Variants in WDR43 observed in about 807,000 individuals in gnomAD.
WDR43 encodes the protein WD repeat-containing protein 43.
WDR43 carries 13 observed loss-of-function variants against 91.4 expected under a neutral mutation model. That is an observed-to-expected ratio of 0.14 (90% CI 0.09 to 0.23). The LOEUF (loss-of-function observed/expected upper bound fraction) is 0.23, where lower values mean the gene tolerates loss of function less well. WDR43 is among the 10% of genes least tolerant of loss of function. The pLI, the probability that WDR43 is intolerant of heterozygous loss-of-function variation, is 1.00. For missense variants in WDR43, 780 were observed against 809.4 expected (o/e 0.96, Z 0.44); for synonymous variants, 331 against 287.9 (o/e 1.15, Z -1.51).
At chr2:28,944,830 C>T (rs13413135) in intron 16 of WDR43, among the ~76,000 whole-genome samples, 3,678 of 152,332 alleles carry the variant, frequency 0.024, 174 homozygotes, top group African/African-American at 0.085. Flanking sequence ...GACAGCGAAG[C>T]TGGACAAAGG....
At chr2:28,921,115 G>A (rs1424525038) in intron 6 of WDR43, among the ~76,000 whole-genome samples, 1 of 149,112 alleles carries the variant, frequency 6.7e-6, no homozygotes, top group Non-Finnish European at 1.5e-5. Context: ...GAAGGGAGCA[G>A]AACTTTTTAA....
chr2:28,930,526 A>T (rs2148194114), intron 11 of WDR43, among the ~76,000 whole-genome samples: 1 of 152,298 alleles, frequency 6.6e-6, no homozygotes, highest in East Asian at 1.9e-4. Flanking sequence ...GGGTACATTG[A>T]TCCTAAAATT....
At chr2:28,905,687 T>C (rs1433671200) in intron 2 of WDR43, among the ~76,000 whole-genome samples, 1 of 148,508 alleles carries the variant, frequency 6.7e-6, no homozygotes, top group Admixed American at 6.8e-5. Flanking sequence ...TTTTTTGATA[T>C]GGAGTTTCAC....
chr2:28,932,589 G>T (rs534489092), intron 11 of WDR43, among the ~76,000 whole-genome samples: 2 of 152,064 alleles, frequency 1.3e-5, no homozygotes, highest in Non-Finnish European at 2.9e-5. Flanking sequence ...TTCTAAAAAC[G>T]TTTTCCCCCT....
intron 11 of WDR43, among the ~76,000 whole-genome samples, chr2:28,930,370 G>C (rs915823234): frequency 2.6e-5 from 4 of 152,122 alleles, no homozygotes; most frequent in African/African-American, 9.7e-5. Context: ...TTCAAGTACT[G>C]CCTGATCAGA....
intron 8 of WDR43, among the ~76,000 whole-genome samples, chr2:28,925,838 G>T (rs1049838577): frequency 6.6e-6 from 1 of 152,102 alleles, no homozygotes; most frequent in Non-Finnish European, 1.5e-5. Context: ...CTGTAAACAT[G>T]GCTCCTTGCC....
intron 1 of WDR43, among the ~76,000 whole-genome samples, chr2:28,899,125 A>G (rs1670534927): frequency 6.6e-6 from 1 of 152,250 alleles, no homozygotes; most frequent in Non-Finnish European, 1.5e-5. Context: ...TCCTTGGGGT[A>G]TTCACTTCTG....
At chr2:28,909,970 A>G (rs1049179656) in intron 3 of WDR43, among the ~76,000 whole-genome samples, 11 of 152,208 alleles carry the variant, frequency 7.2e-5, no homozygotes, top group African/African-American at 2.7e-4. Flanking sequence ...TCAAATGCCA[A>G]TATGTGTATA....
rs766189742 is a variant in WDR43 at position 28,917,849 on chromosome 2, A to G, written c.747-44A>G. The G allele has an allele frequency of 4.6e-6, 7 of 1,528,888 alleles. No individual in the cohort carries two copies. In the African/African-American group the frequency reaches 8.3e-5, roughly 18 times the overall value. The allele number at this position is 1,528,888 out of a possible 1,614,324, so 94.7% of individuals were successfully genotyped here. A position where few individuals can be genotyped will look rare whatever the true frequency, so the allele number is the denominator to read the frequency against. On this transcript the variant is annotated intron_variant, in intron 5 of 17. Coordinates refer to ENST00000407426, the MANE Select transcript of WDR43 (RefSeq NM_015131.3). Reference sequence around the variant, plus strand: ...AGGTGTTTGCCTTTTTAGGAAGAAAATTAAATCTGTCTTGCTATCTAACTT... The same window carrying G: ...AGGTGTTTGCCTTTTTAGGAAGAAAGTTAAATCTGTCTTGCTATCTAACTT...
At chr2:28,931,434 G>A (rs987041779) in intron 11 of WDR43, among the ~76,000 whole-genome samples, 2 of 152,176 alleles carry the variant, frequency 1.3e-5, no homozygotes, top group African/African-American at 4.8e-5. Context: ...TATTTAGTTG[G>A]TATGCCCCTT....
At chr2:28,938,850 G>A (rs1292059052) in intron 14 of WDR43, among the ~76,000 whole-genome samples, 1 of 152,234 alleles carries the variant, frequency 6.6e-6, no homozygotes, top group African/African-American at 2.4e-5. Context: ...AGAAACAACA[G>A]ATCTTGGGTG....
Position 28,894,695 on chromosome 2 carries a change from A to T in WDR43, c.-4A>T. 6.4e-7 allele frequency: 1 copy of T among 1,559,972 alleles called. No individual in the cohort carries two copies. Among genetic ancestry groups the T allele is most frequent in the Non-Finnish European group, 8.7e-7 (1 of 1,152,518 alleles). On this transcript the variant is annotated 5_prime_UTR_variant, in exon 1 of 18. Transcript: ENST00000407426. The stretch of plus-strand genomic sequence containing the variant: ...CACGTGGCTGCAGCGGGGCCAGAGC[A>T]GCAATGGCGGCGGGCGGCGGCGGTA...
At chr2:28,930,289 C>A in intron 11 of WDR43, 1 of 335,640 alleles carries the variant, frequency 3.0e-6, no homozygotes, top group Non-Finnish European at 5.9e-6. Context: ...TGAAGTTACT[C>A]AGTTTGATTC....
rs546889015 is a variant in WDR43, at chr2:28,904,915, A to C, written c.364-1545A>C. ...TATTCCTGCAAGATTTTAATACATA[A>C]AGCTAAAAATGGTACAAAAGTAAAG... On this transcript the variant is annotated intron_variant, in intron 2 of 17. Transcript: ENST00000407426. 1.1e-4 allele frequency: 17 copies of C among 152,314 alleles called. No individual in the cohort carries two copies. In the South Asian group the frequency reaches 3.5e-3, roughly 32 times the overall value. The allele number at this position is 152,314 out of a possible 1,614,324, so 9.4% of individuals were successfully genotyped here.
intron 5 of WDR43, among the ~76,000 whole-genome samples, chr2:28,916,741 G>A (rs1233166395): frequency 1.3e-5 from 2 of 151,866 alleles, no homozygotes; most frequent in African/African-American, 4.8e-5. Flanking sequence ...ATTACTCCTT[G>A]GGGAAATAGC....
chr2:28,932,090 T>G (rs1671259081), intron 11 of WDR43, among the ~76,000 whole-genome samples: 2 of 152,064 alleles, frequency 1.3e-5, no homozygotes, highest in South Asian at 4.2e-4. Context: ...GTTGCTCACA[T>G]TGGTTTCAAA....
rs1242245624 is a variant in WDR43 at position 28,936,952 on chromosome 2, A to G, written c.1555A>G (p.Ser519Gly). ...LTKRLQGHPN[S>G]AVLMVQWLKC... Reference sequence around the variant, plus strand: ...AAAGAGGTTACAAGGACATCCTAATAGGTAAGATTAAACAGGTGACTTAAA... The same window carrying G: ...AAAGAGGTTACAAGGACATCCTAATGGGTAAGATTAAACAGGTGACTTAAA... The change falls in exon 13 of 18, where the codon AGT becomes GGT. Residue 519 changes from serine (S) to glycine (G), a missense_variant and splice_region_variant. Transcript: ENST00000407426. 3 of 1,572,110 alleles carry G rather than the reference A, an allele frequency of 1.9e-6. No homozygotes were observed. Among genetic ancestry groups the G allele is most frequent in the East Asian group, 2.3e-5 (1 of 43,296 alleles).
At chr2:28,927,118 A>G (rs777947415) in intron 9 of WDR43, 2 of 519,564 alleles carry the variant, frequency 3.8e-6, no homozygotes, top group South Asian at 1.4e-5. Flanking sequence ...TTCAGAGATG[A>G]CACCTTTCTC....
chr2:28,903,813 T>C (rs1015323221), intron 2 of WDR43, among the ~76,000 whole-genome samples: 3 of 151,308 alleles, frequency 2.0e-5, no homozygotes, highest in Admixed American at 6.6e-5. Context: ...AGAAGACTTA[T>C]TTTTTTTTAA....
Sources: allele counts gnomAD v4.1 joint callset (sites outside exome capture counted in the v4.1 genomes callset), GRCh38; gene constraint gnomAD v4.1.1; transcripts MANE v1.5; gene names NCBI Gene and HGNC (gene_info 2026-07-23, HGNC 2026-07-21).